The following QRICH2 variants were observed in gnomAD, a reference collection of about 807,000 sequenced individuals.
QRICH2 encodes glutamine rich 2.
QRICH2 carries 119 observed loss-of-function variants against 168.3 expected under a neutral mutation model. That is an observed-to-expected ratio of 0.71 (90% CI 0.61 to 0.82). QRICH2 has a LOEUF of 0.82. QRICH2 is among the 40% of genes least tolerant of loss of function. The pLI is 0.00. For synonymous variants in QRICH2, 894 were observed against 951.2 expected (o/e 0.94, Z 1.11); for missense variants, 2,241 against 2,491.6 (o/e 0.90, Z 2.14).
At chr17:76,289,130 A>G (rs925237317) in intron 5 of QRICH2, among the ~76,000 whole-genome samples, 2 of 151,992 alleles carry the variant, frequency 1.3e-5, no homozygotes, top group African/African-American at 4.8e-5. Flanking sequence ...AAAAAAAGAA[A>G]AGAGCAAAGC....
At chr17:76,278,263 T>C in intron 14 of QRICH2, 74 bp from the exon 15 acceptor site, 1 of 1,490,312 alleles carries the variant, frequency 6.7e-7, no homozygotes, top group Admixed American at 1.7e-5. Context: ...GCCGAATCCT[T>C]CAGTTCCGGG....
rs1161222940 is a variant in QRICH2 at position 76,292,273 on chromosome 17, C to T, written c.2454G>A (p.Gln818=). The part of the protein sequence containing the change: ...QRGLVQPGAV[Q]RGLVQPGVDQ... ...CCACTCCAGGTTGGACCAAACCACG[C>T]TGAACTGCACCAGGTTGCACCAAAC... The change falls in exon 4 of 19, where the codon CAG becomes CAA. Residue 818 remains glutamine, a synonymous_variant. Coordinates refer to ENST00000680821, the MANE Select transcript of QRICH2 (RefSeq NM_001388453.1). The T allele has an allele frequency of 6.2e-7, 1 of 1,604,934 alleles. No individual in the cohort carries two copies. Among genetic ancestry groups the T allele is most frequent in the East Asian group, 2.3e-5 (1 of 44,074 alleles).
intron 18 of QRICH2, 33 bp from the exon 19 acceptor site, chr17:76,274,293 C>T (rs1036604925): frequency 6.4e-7 from 1 of 1,565,704 alleles, no homozygotes; most frequent in Non-Finnish European, 8.6e-7. Flanking sequence ...TTGCTCAACA[C>T]ATTCCCCAAG....
upstream of QRICH2, among the ~76,000 whole-genome samples, chr17:76,309,247 T>C (rs541357820): frequency 5.4e-5 from 8 of 149,418 alleles, no homozygotes; most frequent in East Asian, 1.6e-3. Flanking sequence ...TCCCAGCTAC[T>C]CGGGAGGCTG....
chr17:76,299,232 T>G (rs2070855759), intron 3 of QRICH2, among the ~76,000 whole-genome samples: 3 of 152,268 alleles, frequency 2.0e-5, no homozygotes, highest in Admixed American at 2.0e-4. Flanking sequence ...TCCCGCTGGC[T>G]TTGGGCTAGT....
intron 7 of QRICH2, among the ~76,000 whole-genome samples, chr17:76,286,124 G>A (rs1304122904): frequency 2.0e-5 from 3 of 151,534 alleles, no homozygotes; most frequent in Non-Finnish European, 2.9e-5. Flanking sequence ...GCAGTGAGCC[G>A]AGATCGTGCC....
Position 76,291,504 on chromosome 17 carries a change from G to T in QRICH2, c.3223C>A (p.Gln1075Lys), listed in dbSNP as rs775305357. The T allele has an allele frequency of 1.2e-6, 2 of 1,613,926 alleles. No homozygotes were observed. Among genetic ancestry groups the T allele is most frequent in the Non-Finnish European group, 1.7e-6 (2 of 1,179,972 alleles). The change falls in exon 4 of 19, where the codon CAA becomes AAA. Residue 1075 changes from glutamine to lysine, a missense_variant. This residue lies in a region of QRICH2 where 2,047 missense variants were observed against 2,303.8 expected (regional missense o/e 0.89). Coordinates refer to ENST00000680821, the MANE Select transcript of QRICH2 (RefSeq NM_001388453.1). ...STGLGSTHPD[Q>K]QHVASPGPGE... ...GGGCCAGGTGATGCCACATGCTGTT[G>T]ATCTGGGTGTGTAGATCCCAAACCT...
chr17:76,308,126 C>CCGCGGCCGGG lies in QRICH2; in HGVS notation c.-129_-128insCCCGGCCGCG. 1 of 1,219,020 alleles carries CCGCGGCCGGG rather than the reference C, an allele frequency of 8.2e-7. No individual in the cohort carries two copies. The highest frequency in any genetic ancestry group is 1.6e-5 in the African/African-American group (1 of 63,582). The allele number at this position is 1,219,020 out of a possible 1,614,324, so 75.5% of individuals were successfully genotyped here. ...CGGGGCGCCCCTGCCCCGGGTCCGG[C>CCGCGGCCGGG]CGAGTCACTGGACAGAGCTCCTGCC... On this transcript the variant is annotated 5_prime_UTR_variant, in exon 1 of 19. Coordinates refer to ENST00000680821, the MANE Select transcript of QRICH2 (RefSeq NM_001388453.1).
intron 3 of QRICH2, 35 bp from the exon 4 acceptor site, chr17:76,294,056 C>A: frequency 1.3e-6 from 2 of 1,553,320 alleles, no homozygotes; most frequent in East Asian, 2.3e-5. Context: ...CAATAACAGT[C>A]AAAATATTCA....
chr17:76,279,244 A>G, intron 13 of QRICH2, 102 bp from the exon 14 acceptor site: 6 of 1,325,826 alleles, frequency 4.5e-6, no homozygotes, highest in African/African-American at 1.4e-5. Flanking sequence ...CCGGCCTGGA[A>G]GGGAGCGAGG....
Position 76,280,773 on chromosome 17 carries a change from G to A in QRICH2, c.4387-45C>T, listed in dbSNP as rs536921155. On this transcript the variant is annotated intron_variant, in intron 9 of 18. Coordinates refer to ENST00000680821, the MANE Select transcript of QRICH2 (RefSeq NM_001388453.1). The surrounding 1 kb of genome is among the most constrained non-coding windows in gnomAD (Gnocchi z 7.4). ...AGAGAAAAAAAGAGCCAGCAGCTGC[G>A]GGGCTAGGGCACCACATTGAGCCCC... 48 of 1,613,982 alleles carry A rather than the reference G, an allele frequency of 3.0e-5. No individual in the cohort carries two copies. The highest frequency in any genetic ancestry group is 2.7e-4 in the South Asian group (25 of 91,072).
In QRICH2 at chr17:76,280,743, TG is replaced by T. The variant is rs1276567025; in HGVS notation, c.4387-16del. On this transcript the variant is annotated splice_polypyrimidine_tract_variant and intron_variant, in intron 9 of 18. Coordinates refer to ENST00000680821, the MANE Select transcript of QRICH2 (RefSeq NM_001388453.1). The surrounding 1 kb of genome is among the most constrained non-coding windows in gnomAD (Gnocchi z 7.4). Reference sequence around the variant, plus strand: ...TGGTACAGCATCTGGGGAGGCCAAGTGAACAGAGAAAAAAAGAGCCAGCAGC... The same window carrying T: ...TGGTACAGCATCTGGGGAGGCCAAGTAACAGAGAAAAAAAGAGCCAGCAGC... 1.9e-5 allele frequency: 30 copies of T among 1,613,862 alleles called. No homozygotes were observed. The highest frequency in any genetic ancestry group is 2.5e-5 in the Non-Finnish European group (30 of 1,179,986).
chr17:76,295,656 T>G (rs907348449), intron 3 of QRICH2, among the ~76,000 whole-genome samples: 9 of 151,648 alleles, frequency 5.9e-5, no homozygotes, highest in African/African-American at 1.7e-4. Context: ...AAGAAATAAA[T>G]AAATAAAATG....
chr17:76,283,239 T>C (rs1248663855), intron 7 of QRICH2, among the ~76,000 whole-genome samples: 1 of 152,074 alleles, frequency 6.6e-6, no homozygotes, highest in Non-Finnish European at 1.5e-5. Flanking sequence ...CCTAGAAAAA[T>C]GGGCATTTCA....
Position 76,307,531 on chromosome 17 carries a change from C to G in QRICH2, c.468G>C (p.Arg156=), listed in dbSNP as rs754281598. The G allele has an allele frequency of 6.2e-7, 1 of 1,605,630 alleles. No individual in the cohort carries two copies. ...TCCCAGTCCGCACCCTATCGAACGC[C>G]CGCACGCCCACCTCCTGCTCCTCCG... The part of the protein sequence containing the change: ...EWPEEQEVGV[R]AFDRVRTGSI... The change falls in exon 1 of 19, where the codon CGG becomes CGC. Residue 156 remains arginine (R), a synonymous_variant. Coordinates refer to ENST00000680821, the MANE Select transcript of QRICH2 (RefSeq NM_001388453.1). The surrounding 1 kb of genome is among the most constrained non-coding windows in gnomAD (Gnocchi z 5.3).
intron 4 of QRICH2, among the ~76,000 whole-genome samples, chr17:76,290,811 C>G (rs796953394): frequency 9.2e-5 from 14 of 152,308 alleles, no homozygotes; most frequent in Admixed American, 3.3e-4. Flanking sequence ...ACCCGCTCCA[C>G]TCCTCTCCTG....
intron 3 of QRICH2, among the ~76,000 whole-genome samples, chr17:76,299,989 C>T (rs2070870824): frequency 6.6e-6 from 1 of 151,890 alleles, no homozygotes; most frequent in Non-Finnish European, 1.5e-5. Flanking sequence ...CACCACCACG[C>T]CCAGCTAACT....
intron 18 of QRICH2, among the ~76,000 whole-genome samples, chr17:76,275,058 A>G (rs1362982514): frequency 6.6e-6 from 1 of 151,910 alleles, no homozygotes; most frequent in African/African-American, 2.4e-5. Context: ...GATGCTGGAG[A>G]GCATCTAGCC....
chr17:76,296,153 T>C (rs1402179752), intron 3 of QRICH2, among the ~76,000 whole-genome samples: 3 of 150,748 alleles, frequency 2.0e-5, no homozygotes, highest in Non-Finnish European at 3.0e-5. Flanking sequence ...AACCCAGAAG[T>C]CGGAGGTTGC....
Sources: gnomAD v4.1 joint callset for allele counts (sites outside exome capture counted in the v4.1 genomes callset) on GRCh38, gnomAD v4.1.1 for gene constraint, gnomAD v4.1.1 regional missense constraint, Gnocchi (gnomAD v3.1) non-coding constraint, MANE v1.5 for transcripts, NCBI Gene and HGNC (gene_info 2026-07-23, HGNC 2026-07-21) for gene names.